Variants in CNTNAP4 observed in about 807,000 individuals in gnomAD.
The protein encoded by CNTNAP4 is contactin-associated protein-like 4.
CNTNAP4 carries 98 observed loss-of-function variants against 148.4 expected under a neutral mutation model. That is an observed-to-expected ratio of 0.66 (90% CI 0.56 to 0.78). The LOEUF is 0.78. Among genes scored for constraint, CNTNAP4 ranks in the 30% least tolerant of loss-of-function variants. The pLI, the probability that CNTNAP4 is intolerant of heterozygous loss-of-function variation, is 0.00. For missense variants in CNTNAP4, 1,935 were observed against 1,565.6 expected (o/e 1.24, Z -3.98); for synonymous variants, 730 against 565.1 (o/e 1.29, Z -4.14).
At chr16:76,419,000 A>T (rs1490799382) in intron 3 of CNTNAP4, among the ~76,000 whole-genome samples, 2 of 151,862 alleles carry the variant, frequency 1.3e-5, no homozygotes, top group African/African-American at 2.4e-5. Context: ...TTCAACTGTT[A>T]TCCAGTATTA....
chr16:76,456,624 GA>G (rs2080740623), intron 8 of CNTNAP4, among the ~76,000 whole-genome samples: 1 of 51,784 alleles, frequency 1.9e-5, no homozygotes, highest in African/African-American at 5.7e-5. Flanking sequence ...ATGTTCAACA[GA>G]AGAACACCAA....
At chr16:76,391,991 C>T (rs1270541828) in intron 3 of CNTNAP4, among the ~76,000 whole-genome samples, 1 of 126,800 alleles carries the variant, frequency 7.9e-6, no homozygotes, top group African/African-American at 2.8e-5. Context: ...AGATAAGTAT[C>T]CTAATGTGTT....
intron 5 of CNTNAP4, 113 bp from the exon 6 acceptor site, chr16:76,448,654 T>A (rs1054752792): frequency 2.9e-6 from 2 of 700,700 alleles, no homozygotes; most frequent in African/African-American, 1.8e-5. Flanking sequence ...TGAAACGGAA[T>A]GCGTAGAAGG....
chr16:76,307,497 T>C (rs1960597118), intron 1 of CNTNAP4, among the ~76,000 whole-genome samples: 1 of 109,306 alleles, frequency 9.1e-6, no homozygotes, highest in African/African-American at 3.5e-5. Flanking sequence ...ATATCTATTT[T>C]AAATGCATAT....
intron 1 of CNTNAP4, among the ~76,000 whole-genome samples, chr16:76,294,606 A>G (rs1959191957): frequency 6.6e-6 from 1 of 152,342 alleles, no homozygotes; most frequent in African/African-American, 2.4e-5. Flanking sequence ...TATTTTTTAC[A>G]TTCCTTGGAT....
chr16:76,466,169 G>T (rs921574503), intron 9 of CNTNAP4, among the ~76,000 whole-genome samples: 1 of 152,070 alleles, frequency 6.6e-6, no homozygotes, highest in Non-Finnish European at 1.5e-5. Context: ...ACAAATAAAT[G>T]AGAACACATA....
At chr16:76,500,305 A>G (rs1346915223) in intron 15 of CNTNAP4, among the ~76,000 whole-genome samples, 1 of 152,234 alleles carries the variant, frequency 6.6e-6, no homozygotes, top group Non-Finnish European at 1.5e-5. Context: ...ACGGTCTGAA[A>G]TACTCTTTCA....
At chr16:76,353,798 G>C (rs534935148) in intron 2 of CNTNAP4, among the ~76,000 whole-genome samples, 3 of 152,162 alleles carry the variant, frequency 2.0e-5, no homozygotes, top group Non-Finnish European at 2.9e-5. Context: ...TCATCTATCA[G>C]AGTATCATTA....
At chr16:76,381,895 C>G (rs1182948300) in intron 3 of CNTNAP4, among the ~76,000 whole-genome samples, 4 of 151,680 alleles carry the variant, frequency 2.6e-5, no homozygotes, top group African/African-American at 7.3e-5. Context: ...CCTGTCTCTA[C>G]TAAAAATACA....
At position 76,355,145 on chromosome 16, in the gene CNTNAP4, T is replaced by C. The variant is rs542991623; in HGVS notation, c.197-173T>C. 1.4e-4 allele frequency among the ~76,000 whole-genome samples: 21 copies of C among 152,344 alleles called. No homozygotes were observed. The South Asian group carries it at 1.5e-3, about 11-fold the overall frequency. On this transcript the variant is annotated intron_variant, in intron 2 of 23. Coordinates refer to ENST00000611870, the MANE Select transcript of CNTNAP4 (RefSeq NM_033401.5). ...ATACAATTAATTAACATAGACATCATATAATTATACTAAATTCTTACCTCT... is the reference window on the plus strand; with the variant it reads ...ATACAATTAATTAACATAGACATCACATAATTATACTAAATTCTTACCTCT...
At chr16:76,370,106 A>G (rs59776564) in intron 3 of CNTNAP4, among the ~76,000 whole-genome samples, 3,545 of 152,238 alleles carry the variant, frequency 0.023, 128 homozygotes, top group African/African-American at 0.081. Context: ...AACAATAGCT[A>G]TCTCCTACTT....
chr16:76,515,697 C>A (rs1597796357), intron 15 of CNTNAP4, among the ~76,000 whole-genome samples: 1 of 152,018 alleles, frequency 6.6e-6, no homozygotes, highest in Non-Finnish European at 1.5e-5. Context: ...ATACAGATGG[C>A]AAGAAAGCAC....
At position 76,367,216 on chromosome 16, in the gene CNTNAP4, G is replaced by A. The variant is rs182427683; in HGVS notation, c.390+11705G>A. Among the ~76,000 whole-genome samples, 116 of 151,828 alleles carry A rather than the reference G, an allele frequency of 7.6e-4. 1 individual carries two copies. Among genetic ancestry groups the A allele is most frequent in the Admixed American group, 7.5e-3 (114 of 15,262 alleles). Reference sequence around the variant, plus strand: ...TAAGGAAATATGTATTAGTCAATATGGAAATCATAGCCTTCTAGAAAAGTA... The same window carrying A: ...TAAGGAAATATGTATTAGTCAATATAGAAATCATAGCCTTCTAGAAAAGTA... On this transcript the variant is annotated intron_variant, in intron 3 of 23. Transcript: ENST00000611870.
At chr16:76,393,552 T>TA (rs1266351207) in intron 3 of CNTNAP4, among the ~76,000 whole-genome samples, 1 of 152,060 alleles carries the variant, frequency 6.6e-6, no homozygotes, top group African/African-American at 2.4e-5. Context: ...TCTTGGGGCT[T>TA]AGAGGCCTGC....
chr16:76,531,886 A>G (rs951195896), intron 17 of CNTNAP4, among the ~76,000 whole-genome samples: 1 of 152,238 alleles, frequency 6.6e-6, no homozygotes, highest in Non-Finnish European at 1.5e-5. Flanking sequence ...GTAAATAACG[A>G]AAGTACAGAA....
chr16:76,374,467 C>A (rs1279154776), intron 3 of CNTNAP4, among the ~76,000 whole-genome samples: 1 of 152,074 alleles, frequency 6.6e-6, no homozygotes, highest in African/African-American at 2.4e-5. Flanking sequence ...AGAATAAATA[C>A]ATGAATTAAT....
intron 4 of CNTNAP4, among the ~76,000 whole-genome samples, chr16:76,433,107 C>T (rs1339748806): frequency 6.6e-6 from 1 of 152,132 alleles, no homozygotes; most frequent in Non-Finnish European, 1.5e-5. Context: ...CCAATCATGA[C>T]ATGCCCACGT....
chr16:76,354,198 T>C (rs1176386302), intron 2 of CNTNAP4, among the ~76,000 whole-genome samples: 1 of 152,216 alleles, frequency 6.6e-6, no homozygotes, highest in Non-Finnish European at 1.5e-5. Context: ...CCCTATTTCG[T>C]AACTTTTACA....
intron 19 of CNTNAP4, 83 bp downstream of exon 19, chr16:76,538,423 T>A (rs1159585744): frequency 1.0e-5 from 11 of 1,064,390 alleles, no homozygotes; most frequent in Middle Eastern, 2.1e-4. Context: ...GTGTTCTGGC[T>A]TCTCAAGCTA....
Sources: allele counts gnomAD v4.1 joint callset (sites outside exome capture counted in the v4.1 genomes callset), GRCh38; gene constraint gnomAD v4.1.1; transcripts MANE v1.5; gene names NCBI Gene and HGNC (gene_info 2026-07-23, HGNC 2026-07-21).